Variants in EPHA7 observed in about 807,000 individuals in gnomAD.
EPHA7 encodes the protein ephrin type-A receptor 7.
Under a neutral mutation model 112.6 loss-of-function variants are expected in EPHA7, and 25 were observed. That is an observed-to-expected ratio of 0.22 (90% CI 0.16 to 0.31). The LOEUF (loss-of-function observed/expected upper bound fraction) is 0.31, where lower values mean the gene tolerates loss of function less well. EPHA7 is among the 10% of genes least tolerant of loss of function. EPHA7 has a pLI of 1.00. For synonymous variants in EPHA7, 437 were observed against 406.5 expected, an observed-to-expected ratio of 1.07 and a Z score of -0.90; for missense variants, 962 against 1,212.6, an observed-to-expected ratio of 0.79 and a Z score of 3.07.
chr6:93,382,113 G>A (rs1226898048), intron 3 of EPHA7, among the ~76,000 whole-genome samples: 1 of 152,108 alleles, frequency 6.6e-6, no homozygotes, highest in Non-Finnish European at 1.5e-5. Flanking sequence ...CCTCTCAAAT[G>A]TTGTTATCTC....
chr6:93,346,458 G>T (rs1284806688), intron 5 of EPHA7, among the ~76,000 whole-genome samples: 1 of 151,742 alleles, frequency 6.6e-6, no homozygotes, highest in Non-Finnish European at 1.5e-5. Context: ...CAGGTAACTG[G>T]TTTCAGTCAA....
rs756926967 is a variant in EPHA7 at position 93,419,401 on chromosome 6, C to T, written c.-60G>A. 2 of 1,392,898 alleles carry T rather than the reference C, an allele frequency of 1.4e-6. No individual in the cohort carries two copies. The highest frequency in any genetic ancestry group is 2.0e-6 in the Non-Finnish European group (2 of 986,692). The allele number at this position is 1,392,898 out of a possible 1,614,324, so 86.3% of individuals were successfully genotyped here. A position where few individuals can be genotyped will look rare whatever the true frequency, so the allele number is the denominator to read the frequency against. ...ATCTTGAGTCGTGGATTTTTAAATG[C>T]TGTTTGTTCCGAAGTAGCTTTTGTT... is the stretch of plus-strand genomic sequence containing the variant. On this transcript the variant is annotated 5_prime_UTR_variant, in exon 1 of 17. Coordinates refer to ENST00000369303, the MANE Select transcript of EPHA7 (RefSeq NM_004440.4).
intron 5 of EPHA7, among the ~76,000 whole-genome samples, chr6:93,309,513 ACATTTT>A (rs1213004909): frequency 2.6e-5 from 4 of 152,180 alleles, no homozygotes; most frequent in Non-Finnish European, 5.9e-5. Context: ...ACTTATAAAG[ACATTTT>A]CATTTTTAAT....
chr6:93,276,866 A>C (rs1231839322), intron 5 of EPHA7, among the ~76,000 whole-genome samples: 1 of 152,070 alleles, frequency 6.6e-6, no homozygotes, highest in Admixed American at 6.6e-5. Flanking sequence ...TTTTTTCTAC[A>C]TTTACATGTT....
rs1188354746 is a variant in EPHA7 at position 93,410,485 on chromosome 6, A to G, written c.832+16T>C. On this transcript the variant is annotated intron_variant, in intron 3 of 16. Coordinates refer to ENST00000369303, the MANE Select transcript of EPHA7 (RefSeq NM_004440.4). The surrounding 1 kb of genome is among the most constrained non-coding windows in gnomAD (Gnocchi z 4.0). ...TAAAAAGGCAAAGTGGAGTTTTAAT[A>G]GGACACATTACTTACGTTCACAAGT... 1.3e-6 allele frequency: 2 copies of G among 1,593,076 alleles called. No homozygotes were observed. Among genetic ancestry groups the G allele is most frequent in the Admixed American group, 1.8e-5 (1 of 56,228 alleles).
At chr6:93,285,004 A>T (rs556942132) in intron 5 of EPHA7, among the ~76,000 whole-genome samples, 43 of 152,314 alleles carry the variant, frequency 2.8e-4, no homozygotes, top group African/African-American at 1.0e-3. Flanking sequence ...ATTAAAAAAA[A>T]GTACAGTTAA....
intron 5 of EPHA7, among the ~76,000 whole-genome samples, chr6:93,285,140 A>C (rs560709942): frequency 3.3e-5 from 5 of 152,336 alleles, no homozygotes; most frequent in Admixed American, 3.3e-4. Flanking sequence ...CTTTATTGCA[A>C]GAATCTGTTA....
chr6:93,362,311 C>T (rs931824528), intron 3 of EPHA7, among the ~76,000 whole-genome samples: 3 of 151,970 alleles, frequency 2.0e-5, no homozygotes, highest in Non-Finnish European at 4.4e-5. Context: ...AATTATATTA[C>T]AACACATTAA....
chr6:93,393,631 G>T (rs768933114), intron 3 of EPHA7, among the ~76,000 whole-genome samples: 22 of 151,682 alleles, frequency 1.5e-4, no homozygotes, highest in Admixed American at 3.3e-4. Context: ...AGCTCCCAGG[G>T]CAAAGGGGTA....
intron 5 of EPHA7, among the ~76,000 whole-genome samples, chr6:93,322,067 A>G (rs1247689020): frequency 6.6e-6 from 1 of 151,816 alleles, no homozygotes; most frequent in Non-Finnish European, 1.5e-5. Flanking sequence ...AAAAAACAAT[A>G]CAAGGCTCAA....
intron 5 of EPHA7, among the ~76,000 whole-genome samples, chr6:93,333,879 C>G (rs564740364): frequency 1.3e-5 from 2 of 152,024 alleles, no homozygotes; most frequent in South Asian, 2.1e-4. Context: ...CTCAAAGCAA[C>G]TTACAGATTC....
rs1237219921 is a variant in EPHA7 at position 93,303,303 on chromosome 6, G to A, written c.1325-30881C>T. ...GCACTTCTCACTACATTAAAAGACAGCACTGTACCTTCTCATAGCTTGCTA... is the reference window on the plus strand; with the variant it reads ...GCACTTCTCACTACATTAAAAGACAACACTGTACCTTCTCATAGCTTGCTA... On this transcript the variant is annotated intron_variant, in intron 5 of 16. Coordinates refer to ENST00000369303, the MANE Select transcript of EPHA7 (RefSeq NM_004440.4). 2.0e-5 allele frequency among the ~76,000 whole-genome samples: 3 copies of A among 152,088 alleles called. No homozygotes were observed. In the East Asian group the frequency reaches 5.8e-4, roughly 29 times the overall value.
At chr6:93,277,718 C>G (rs564776199) in intron 5 of EPHA7, among the ~76,000 whole-genome samples, 38 of 151,704 alleles carry the variant, frequency 2.5e-4, no homozygotes, top group African/African-American at 8.7e-4. Flanking sequence ...ACTTAACATA[C>G]CAATTAGGAT....
chr6:93,366,659 T>C (rs557611776), intron 3 of EPHA7, among the ~76,000 whole-genome samples: 32 of 152,264 alleles, frequency 2.1e-4, no homozygotes, highest in African/African-American at 6.5e-4. Flanking sequence ...GCACCCCTGA[T>C]GGTGTCTGAT....
At chr6:93,359,532 G>A (rs1776135573) in intron 3 of EPHA7, among the ~76,000 whole-genome samples, 1 of 151,680 alleles carries the variant, frequency 6.6e-6, no homozygotes, top group South Asian at 2.1e-4. Flanking sequence ...TTAATTTATT[G>A]GCTGAAAGTT....
At chr6:93,272,683 C>T (rs1172195232) in intron 5 of EPHA7, among the ~76,000 whole-genome samples, 2 of 151,794 alleles carry the variant, frequency 1.3e-5, no homozygotes, top group Non-Finnish European at 2.9e-5. Context: ...AATGATGGGG[C>T]TGAGAATGAC....
intron 5 of EPHA7, among the ~76,000 whole-genome samples, chr6:93,293,542 G>A (rs1043011836): frequency 6.6e-6 from 1 of 151,936 alleles, no homozygotes; most frequent in African/African-American, 2.4e-5. Context: ...AGAAAATATC[G>A]TCATTCTCAC....
chr6:93,284,164 T>A lies in EPHA7; in HGVS notation c.1325-11742A>T, dbSNP rs1265153578. 2.0e-5 allele frequency among the ~76,000 whole-genome samples: 3 copies of A among 152,240 alleles called. No individual in the cohort carries two copies. The East Asian group carries it at 5.8e-4, about 29-fold the overall frequency. On this transcript the variant is annotated intron_variant, in intron 5 of 16. Coordinates refer to ENST00000369303, the MANE Select transcript of EPHA7 (RefSeq NM_004440.4). ...TTGTTTCTATTTTATTCTATCTTTT[T>A]ATTTTATTTCTCTCCTTTTTTCCTG... is the stretch of plus-strand genomic sequence containing the variant.
intron 7 of EPHA7, among the ~76,000 whole-genome samples, chr6:93,265,870 G>A (rs968581263): frequency 6.6e-6 from 1 of 151,536 alleles, no homozygotes; most frequent in Non-Finnish European, 1.5e-5. Flanking sequence ...GAAGTATAAA[G>A]TTTTTTTCAG....
Sources: allele counts gnomAD v4.1 joint callset (sites outside exome capture counted in the v4.1 genomes callset), GRCh38; gene constraint gnomAD v4.1.1; non-coding constraint Gnocchi (gnomAD v3.1); transcripts MANE v1.5; gene names NCBI Gene and HGNC (gene_info 2026-07-23, HGNC 2026-07-21).